The following STRA6 variants were observed in gnomAD, a reference collection of about 807,000 sequenced individuals.
The protein encoded by STRA6 is receptor for retinol uptake STRA6.
A neutral mutation model predicts 83.6 loss-of-function variants in STRA6; 48 were observed. The ratio of observed to expected loss-of-function variants is 0.57; its 90% CI spans 0.46 to 0.73. The LOEUF (loss-of-function observed/expected upper bound fraction) is 0.73. Among genes scored for constraint, STRA6 ranks in the 30% least tolerant of loss-of-function variants. The pLI is 0.00. For missense variants in STRA6, 760 were observed against 838.8 expected, an observed-to-expected ratio of 0.91 and a Z score of 1.16; for synonymous variants, 353 against 362.3, an observed-to-expected ratio of 0.97 and a Z score of 0.29.
chr15:74,180,001 G>T lies in STRA6; in HGVS notation c.*79C>A. On this transcript the variant is annotated 3_prime_UTR_variant, in exon 19 of 19. Coordinates refer to ENST00000395105, the MANE Select transcript of STRA6 (RefSeq NM_022369.4). ...TGCATGGCTGGTGTGATGCTGGGAG[G>T]AGAGCCGGGGAGGGAGGAGGATGGT... The T allele has an allele frequency of 6.4e-7, 1 of 1,562,318 alleles. No individual in the cohort carries two copies.
chr15:74,184,012 A>C, intron 13 of STRA6, 23 bp from the exon 14 acceptor site: 2 of 1,611,226 alleles, frequency 1.2e-6, no homozygotes, highest in Non-Finnish European at 1.7e-6. Flanking sequence ...CCAGGGAGGC[A>C]GAGACCTCAG....
chr15:74,182,001 G>A (rs2073017301), intron 16 of STRA6, among the ~76,000 whole-genome samples, 160 bp downstream of exon 16: 1 of 152,236 alleles, frequency 6.6e-6, no homozygotes, highest in African/African-American at 2.4e-5. Context: ...CTGAGCCATT[G>A]TCCCTTTTCT....
intron 2 of STRA6, among the ~76,000 whole-genome samples, chr15:74,199,662 G>GT (rs1403043787): frequency 1.3e-5 from 2 of 152,202 alleles, no homozygotes; most frequent in Non-Finnish European, 2.9e-5. Context: ...GGCCCTTTCT[G>GT]TATCACCTGA....
chr15:74,209,230 C>T (rs949774093), upstream of STRA6: 25 of 1,132,668 alleles, frequency 2.2e-5, no homozygotes, highest in Non-Finnish European at 3.2e-5. Context: ...TCCACACCCC[C>T]AAACCGTTTG....
At chr15:74,195,786 T>C in intron 5 of STRA6, 111 bp from the exon 6 acceptor site, 1 of 870,128 alleles carries the variant, frequency 1.1e-6, no homozygotes, top group Non-Finnish European at 1.8e-6. Context: ...ACTACTTCCC[T>C]GGCTCTCAGT....
chr15:74,193,991 G>A (rs2073683803), intron 7 of STRA6, 69 bp from the exon 8 acceptor site: 6 of 1,594,746 alleles, frequency 3.8e-6, no homozygotes, highest in African/African-American at 1.3e-5. Context: ...AGAATCCGTT[G>A]CCCTTCCCAC....
At chr15:74,187,596 C>G (rs2073318266) in intron 12 of STRA6, among the ~76,000 whole-genome samples, 1 of 152,028 alleles carries the variant, frequency 6.6e-6, no homozygotes, top group African/African-American at 2.4e-5. Flanking sequence ...CTAACAGAAG[C>G]TCTGAGCTCA....
intron 7 of STRA6, 111 bp from the exon 8 acceptor site, chr15:74,194,033 G>A (rs2073687635): frequency 2.6e-6 from 4 of 1,531,568 alleles, no homozygotes; most frequent in Middle Eastern, 1.7e-4. Flanking sequence ...GGTCTGGGGG[G>A]CCATGGGAAG....
At position 74,193,906 on chromosome 15, in the gene STRA6, G is replaced by T. The variant is rs1254902522; in HGVS notation, c.614C>A (p.Ser205Tyr). ...CAGGAGAGGCAGGGAGGCCAGCAGG[G>T]AGTAGTACTTGTAGATCTGGACAGA... is the stretch of plus-strand genomic sequence containing the variant. ...PQVPKIYKYYSLLASLPLLLG... is the reference protein window; with the variant it reads ...PQVPKIYKYYYLLASLPLLLG... Residue 205 changes from serine to tyrosine, a missense_variant, in exon 8 of 19, where the codon TCC becomes TAC. Ser to Tyr is a moderately radical substitution (Grantham distance 144). Coordinates refer to ENST00000395105, the MANE Select transcript of STRA6 (RefSeq NM_022369.4). The T allele has an allele frequency of 3.7e-6, 6 of 1,613,538 alleles. No individual in the cohort carries two copies. The highest frequency in any genetic ancestry group is 5.1e-6 in the Non-Finnish European group (6 of 1,179,660).
chr15:74,205,363 C>T (rs1402816731), upstream of STRA6, among the ~76,000 whole-genome samples: 1 of 152,090 alleles, frequency 6.6e-6, no homozygotes, highest in Non-Finnish European at 1.5e-5. Context: ...CTGGGGAGGG[C>T]CTCAGGAAAC....
Position 74,207,796 on chromosome 15 carries a change from ACACT to A in STRA6, c.-16+1000_-16+1003del, listed in dbSNP as rs546523431. ...TGGGGTGTGCCCTCAGTGGCACAGC[ACACT>A]CACACACACATCCAACTGCCCTTCG... On this transcript the variant is annotated intron_variant, in intron 1 of 18. Coordinates refer to the STRA6 transcript ENST00000323940. 373 of 1,535,626 alleles carry A rather than the reference ACACT, an allele frequency of 2.4e-4. 1 individual carries two copies. Among genetic ancestry groups the A allele is most frequent in the East Asian group, 1.6e-3 (66 of 40,912 alleles).
intron 16 of STRA6, 68 bp downstream of exon 16, chr15:74,182,093 C>T: frequency 7.2e-7 from 1 of 1,388,850 alleles, no homozygotes; most frequent in Non-Finnish European, 1.0e-6. Context: ...AGGGAGGACA[C>T]AAAAAGAGAG....
rs1183719822 is a variant in STRA6 at position 74,181,641 on chromosome 15, T to C, written c.1521-183A>G. On this transcript the variant is annotated intron_variant, in intron 16 of 18. Coordinates refer to ENST00000395105, the MANE Select transcript of STRA6 (RefSeq NM_022369.4). ...TCTTTCAACCCACCATGCTGGGAGATGGGAAACTGAGGCCCAGAGAGATTG... is the reference window on the plus strand; with the variant it reads ...TCTTTCAACCCACCATGCTGGGAGACGGGAAACTGAGGCCCAGAGAGATTG... 2.0e-5 allele frequency among the ~76,000 whole-genome samples: 3 copies of C among 152,118 alleles called. No homozygotes were observed. In the East Asian group the frequency reaches 5.8e-4, roughly 29 times the overall value.
rs75144086 is a variant in STRA6, at chr15:74,184,820, C to T, written c.1166+160G>A. 9.7e-3 allele frequency among the ~76,000 whole-genome samples: 1,475 copies of T among 152,362 alleles called. 34 individuals carry two copies. The highest frequency in any genetic ancestry group is 0.034 in the African/African-American group (1,400 of 41,582). ...GGCCCAAGGGCAGGACCCAGCCCCA[C>T]CTTCTCCCACTGCAGCGCAGCCACG... On this transcript the variant is annotated intron_variant, in intron 13 of 18. Transcript: ENST00000395105.
chr15:74,205,692 C>CTG (rs1380547008), upstream of STRA6, among the ~76,000 whole-genome samples: 1 of 152,212 alleles, frequency 6.6e-6, no homozygotes, highest in African/African-American at 2.4e-5. Flanking sequence ...TGCCCAGGGG[C>CTG]TGCAGCCAGG....
intron 1 of STRA6, 182 bp downstream of exon 1, chr15:74,202,531 T>C: frequency 6.6e-7 from 1 of 1,504,970 alleles, no homozygotes; most frequent in South Asian, 1.3e-5. Context: ...GCACTGGTCC[T>C]GCAGAGATAG....
At chr15:74,194,769 CTGG>C in intron 7 of STRA6, 1 of 1,268,274 alleles carries the variant, frequency 7.9e-7, no homozygotes, top group Non-Finnish European at 9.9e-7. Flanking sequence ...AGTGGTGAAG[CTGG>C]ATTCACACTC....
At chr15:74,191,845 A>G in intron 8 of STRA6, 1 of 407,568 alleles carries the variant, frequency 2.5e-6, no homozygotes, top group Non-Finnish European at 4.6e-6. Flanking sequence ...ACTGGGGCAA[A>G]GGGAAGCTTG....
At chr15:74,203,359 A>G (rs2074170391), upstream of STRA6, 1 of 280,156 alleles carries the variant, frequency 3.6e-6, no homozygotes, top group South Asian at 1.4e-4. Context: ...AGGGTGAGCA[A>G]GGGAAGGTCT....
Sources: allele counts gnomAD v4.1 joint callset (sites outside exome capture counted in the v4.1 genomes callset), GRCh38; gene constraint gnomAD v4.1.1; transcripts MANE v1.5; gene names NCBI Gene and HGNC (gene_info 2026-07-23, HGNC 2026-07-21).